The following ACOX3 variants were observed in gnomAD, a reference collection of about 807,000 sequenced individuals.
The protein encoded by ACOX3 is acyl-CoA oxidase 3, pristanoyl, also known as peroxisomal acyl-coenzyme A oxidase 3.
In ACOX3, 73 loss-of-function variants were observed where a neutral mutation model predicts 81.5. The observed-to-expected ratio is 0.90, with a 90% CI of 0.74 to 1.09. The LOEUF is 1.09. Ranked by LOEUF, ACOX3 falls within the 50% of genes least tolerant of loss-of-function variation. The pLI is 0.00. For missense variants in ACOX3, 947 were observed against 928.0 expected (o/e 1.02, Z -0.27); for synonymous variants, 387 against 375.1 (o/e 1.03, Z -0.37).
Position 8,405,033 on chromosome 4 carries a change from G to T in ACOX3, c.776+922C>A, listed in dbSNP as rs1720784425. Among the ~76,000 whole-genome samples the T allele has an allele frequency of 6.6e-6, 1 of 152,116 alleles. No individual in the cohort carries two copies. Among genetic ancestry groups the T allele is most frequent in the African/African-American group, 2.4e-5 (1 of 41,424 alleles). On this transcript the variant is annotated intron_variant, in intron 7 of 17. Coordinates refer to ENST00000356406, the MANE Select transcript of ACOX3 (RefSeq NM_003501.3). The surrounding 1 kb of genome is among the most constrained non-coding windows in gnomAD (Gnocchi z 7.1). The stretch of plus-strand genomic sequence containing the variant: ...GGCCTGCTCAGGCAGGGCCTGGCAG[G>T]GCCCTGGCACAGGGACCTCTCTTGT...
chr4:8,395,959 A>G (rs6810854), intron 9 of ACOX3, among the ~76,000 whole-genome samples: 10,609 of 152,274 alleles, frequency 0.07, 741 homozygotes, highest in African/African-American at 0.18. Context: ...TTCTTATTTG[A>G]TCCTCAGTTC....
At chr4:8,355,405 A>C in the ACOX3 span, 8 of 152,238 alleles carry the variant, frequency 5.3e-5, no homozygotes, top group Admixed American at 1.3e-4. Flanking sequence ...GTGAGAAACA[A>C]CACTAAAATT....
At position 8,400,752 on chromosome 4, in the gene ACOX3, C is replaced by T. The variant is rs913646583; in HGVS notation, c.777-1100G>A. 6.6e-6 allele frequency among the ~76,000 whole-genome samples: 1 copy of T among 152,142 alleles called. No individual in the cohort carries two copies. Among genetic ancestry groups the T allele is most frequent in the Admixed American group, 6.5e-5 (1 of 15,270 alleles). ...TGATTCCTAAGTTCACTTGCAATGC[C>T]TTAGGGCAGCAGTCCGCAACCTTTT... On this transcript the variant is annotated intron_variant, in intron 7 of 17. Transcript: ENST00000356406. The surrounding 1 kb of genome is among the most constrained non-coding windows in gnomAD (Gnocchi z 4.4).
chr4:8,379,228 G>C (rs1717341612), intron 14 of ACOX3, among the ~76,000 whole-genome samples: 1 of 152,198 alleles, frequency 6.6e-6, no homozygotes, highest in Non-Finnish European at 1.5e-5. Context: ...GCTGGTCTAG[G>C]CTGAGGCTTT....
intron 13 of ACOX3, among the ~76,000 whole-genome samples, chr4:8,387,888 G>A (rs994829489): frequency 1.2e-4 from 18 of 152,328 alleles, no homozygotes; most frequent in Middle Eastern, 3.4e-3. Flanking sequence ...GTGTGGGGGC[G>A]CAGGGCAGAC....
At chr4:8,379,008 G>A (rs1252720273) in intron 14 of ACOX3, among the ~76,000 whole-genome samples, 4 of 152,170 alleles carry the variant, frequency 2.6e-5, no homozygotes, top group African/African-American at 7.2e-5. Flanking sequence ...TGCTGGGGCT[G>A]GTTTCCGACC....
In ACOX3 at chr4:8,399,620, C is replaced by G. The variant is rs765806929; in HGVS notation, c.809G>C (p.Arg270Pro). 1 of 1,614,116 alleles carries G rather than the reference C, an allele frequency of 6.2e-7. No homozygotes were observed. Among genetic ancestry groups the G allele is most frequent in the Non-Finnish European group, 8.5e-7 (1 of 1,180,022 alleles). The change falls in exon 8 of 18, where the codon CGC becomes CCC. Residue 270 changes from arginine (R) to proline (P), a missense_variant. By Grantham distance (103) the Arg-to-Pro change is moderately radical. Transcript: ENST00000356406. This position sits in a 1 kb window ranked among gnomAD's most constrained non-coding sequence, Gnocchi z 4.9. Reference sequence around the variant, plus strand: ...TCCCATCCGGTTCAGAAGGCTCTGGCGAGGAACTCTGACCTTGTGGAACAT... The same window carrying G: ...TCCCATCCGGTTCAGAAGGCTCTGGGGAGGAACTCTGACCTTGTGGAACAT... The part of the protein sequence containing the change: ...FAMFHKVRVP[R>P]QSLLNRMGDV...
At chr4:8,361,324 G>T (rs1023979184), downstream of ACOX3, among the ~76,000 whole-genome samples, 3 of 149,582 alleles carry the variant, frequency 2.0e-5, no homozygotes, top group Middle Eastern at 3.4e-3. Context: ...TACTCAGGAG[G>T]CTGAGGCAGG....
chr4:8,360,554 C>A, the ACOX3 span, among the ~76,000 whole-genome samples: 1 of 151,192 alleles, frequency 6.6e-6, no homozygotes, highest in East Asian at 1.9e-4. Context: ...TCATTGCAAG[C>A]TCCGCCTCCT....
In ACOX3 at chr4:8,414,095, A is replaced by G. The variant is rs560347577; in HGVS notation, c.543+197T>C. On this transcript the variant is annotated intron_variant, in intron 5 of 17. Transcript: ENST00000356406. This position sits in a 1 kb window ranked among gnomAD's most constrained non-coding sequence, Gnocchi z 6.1. ...TCCCCATAAAGTTCATGGTGGGCACAGGCTTTGTCCTCCAATGCCTGATCT... is the reference window on the plus strand; with the variant it reads ...TCCCCATAAAGTTCATGGTGGGCACGGGCTTTGTCCTCCAATGCCTGATCT... 2.0e-5 allele frequency among the ~76,000 whole-genome samples: 3 copies of G among 152,338 alleles called. No homozygotes were observed. In the East Asian group the frequency reaches 5.8e-4, roughly 29 times the overall value.
chr4:8,418,729 G>C (rs879644138), intron 1 of ACOX3, among the ~76,000 whole-genome samples: 1 of 150,462 alleles, frequency 6.6e-6, no homozygotes, highest in Non-Finnish European at 1.5e-5. Context: ...GCATGGTGGC[G>C]CATGCTTGTA....
downstream of ACOX3, among the ~76,000 whole-genome samples, chr4:8,361,564 T>A (rs1369001009): frequency 6.6e-6 from 1 of 151,150 alleles, no homozygotes; most frequent in African/African-American, 2.4e-5. Flanking sequence ...TGGGCTAAAG[T>A]TAAAGGGGTA....
At position 8,406,596 on chromosome 4, in the gene ACOX3, G is replaced by C. The variant is rs755715824; in HGVS notation, c.688-553C>G. 6.6e-6 allele frequency among the ~76,000 whole-genome samples: 1 copy of C among 152,144 alleles called. No homozygotes were observed. The highest frequency in any genetic ancestry group is 1.5e-5 in the Non-Finnish European group (1 of 68,048). Reference sequence around the variant, plus strand: ...TGATACTTATTGGATACAAGACAAAGGCAGGATAAGGAGAGTGAGCCATCT... The same window carrying C: ...TGATACTTATTGGATACAAGACAAACGCAGGATAAGGAGAGTGAGCCATCT... On this transcript the variant is annotated intron_variant, in intron 6 of 17. Coordinates refer to ENST00000356406, the MANE Select transcript of ACOX3 (RefSeq NM_003501.3). This position sits in a 1 kb window ranked among gnomAD's most constrained non-coding sequence, Gnocchi z 5.6.
chr4:8,422,588 T>C lies in ACOX3; in HGVS notation c.-14-6053A>G, dbSNP rs187157827. On this transcript the variant is annotated intron_variant, in intron 1 of 17. Transcript: ENST00000356406. ...GCCCCCATTTGCCACTATAGGAATA[T>C]GCACCTCCCTTTAATTTACTCAATT... Among the ~76,000 whole-genome samples, 5 of 152,346 alleles carry C rather than the reference T, an allele frequency of 3.3e-5. No individual in the cohort carries two copies. The East Asian group carries it at 9.6e-4, about 29-fold the overall frequency.
downstream of ACOX3, among the ~76,000 whole-genome samples, chr4:8,361,515 A>G (rs1265658742): frequency 1.4e-5 from 2 of 146,760 alleles, no homozygotes; most frequent in Non-Finnish European, 3.0e-5. Context: ...AAGGCTTGTT[A>G]TAAGTTAATC....
intron 13 of ACOX3, among the ~76,000 whole-genome samples, chr4:8,387,311 G>T (rs986585493): frequency 6.6e-6 from 1 of 152,204 alleles, no homozygotes; most frequent in East Asian, 1.9e-4. Context: ...CTTGGTGTAG[G>T]TTCCACGGCC....
At chr4:8,393,627 A>C (rs1235544883) in intron 10 of ACOX3, among the ~76,000 whole-genome samples, 2 of 117,932 alleles carry the variant, frequency 1.7e-5, no homozygotes, top group East Asian at 4.6e-4. Context: ...ACACACACAC[A>C]CACACACACG....
rs1722402199 is a variant in ACOX3, at chr4:8,416,869, G to C, written c.-14-334C>G. ...TGCCTGAGAGTACCCTGCCCTCTTG[G>C]GAGCACCCCGGACATCCAGACTCAT... On this transcript the variant is annotated intron_variant, in intron 1 of 17. Coordinates refer to ENST00000356406, the MANE Select transcript of ACOX3 (RefSeq NM_003501.3). This position sits in a 1 kb window ranked among gnomAD's most constrained non-coding sequence, Gnocchi z 4.2. 6.6e-6 allele frequency among the ~76,000 whole-genome samples: 1 copy of C among 152,182 alleles called. No homozygotes were observed. Among genetic ancestry groups the C allele is most frequent in the Non-Finnish European group, 1.5e-5 (1 of 68,046 alleles).
At chr4:8,403,448 C>T (rs2108919128) in intron 7 of ACOX3, among the ~76,000 whole-genome samples, 1 of 152,306 alleles carries the variant, frequency 6.6e-6, no homozygotes, top group African/African-American at 2.4e-5. Context: ...GGCTGGCTCC[C>T]ATCCCAGCCC....
Sources: allele counts gnomAD v4.1 joint callset (sites outside exome capture counted in the v4.1 genomes callset), GRCh38; gene constraint gnomAD v4.1.1; non-coding constraint Gnocchi (gnomAD v3.1); transcripts MANE v1.5; gene names NCBI Gene and HGNC (gene_info 2026-07-23, HGNC 2026-07-21).